The following ALK variants were observed in gnomAD, a reference collection of about 807,000 sequenced individuals.
The protein encoded by ALK is ALK tyrosine kinase receptor.
In ALK, 74 loss-of-function variants were observed where a neutral mutation model predicts 163.1. The ratio of observed to expected loss-of-function variants is 0.45; its 90% CI spans 0.38 to 0.55. The LOEUF (loss-of-function observed/expected upper bound fraction) is 0.55. Ranked by LOEUF, ALK falls within the 20% of genes least tolerant of loss-of-function variation. The pLI is 0.00. For missense variants in ALK, 2,063 were observed against 2,105.3 expected (o/e 0.98, Z 0.39); for synonymous variants, 960 against 843.2 (o/e 1.14, Z -2.40).
At chr2:29,416,979 CTTTTTTTTTTTTTTTTT>C (rs751862066) in intron 4 of ALK, among the ~76,000 whole-genome samples, 3 of 77,664 alleles carry the variant, frequency 3.9e-5, no homozygotes, top group Non-Finnish European at 7.1e-5. Context: ...ATGTTTGATG[CTTTTTTTTTTTTTTTTT>C]TTTTTTTTTG....
intron 9 of ALK, among the ~76,000 whole-genome samples, chr2:29,284,260 T>G (rs1665790561): frequency 6.6e-6 from 1 of 151,832 alleles, no homozygotes; most frequent in Non-Finnish European, 1.5e-5. Context: ...TAAAGATATT[T>G]GAGTCATCTG....
intron 3 of ALK, among the ~76,000 whole-genome samples, chr2:29,658,984 G>A (rs1337060583): frequency 6.6e-6 from 1 of 152,080 alleles, no homozygotes; most frequent in Admixed American, 6.6e-5. Flanking sequence ...AATTGGGAGA[G>A]AGCTCATTAT....
intron 1 of ALK, among the ~76,000 whole-genome samples, chr2:29,803,709 G>T (rs1367227796): frequency 1.3e-5 from 2 of 152,180 alleles, no homozygotes; most frequent in Non-Finnish European, 2.9e-5. Flanking sequence ...CATTGTCTCG[G>T]CTTGTCTACA....
intron 3 of ALK, among the ~76,000 whole-genome samples, chr2:29,638,517 G>A (rs1660842589): frequency 6.6e-6 from 1 of 151,584 alleles, no homozygotes; most frequent in African/African-American, 2.4e-5. Flanking sequence ...GATGGAGTAG[G>A]GTGGGGGTGG....
In ALK at chr2:29,246,251, GGA is replaced by G. The variant is rs759765134; in HGVS notation, c.2204+4852_2204+4853del. ...AGGGAAGAAGGAGGAAAGAAGTCAG[GGA>G]GAGAGAGGGGGCGGGCTGGGCTGAG... is the stretch of plus-strand genomic sequence containing the variant. On this transcript the variant is annotated intron_variant, in intron 12 of 28. Transcript: ENST00000389048. The surrounding 1 kb of genome is among the most constrained non-coding windows in gnomAD (Gnocchi z 4.3). Among the ~76,000 whole-genome samples, 49 of 151,898 alleles carry G rather than the reference GGA, an allele frequency of 3.2e-4. No individual in the cohort carries two copies. The highest frequency in any genetic ancestry group is 4.3e-4 in the Non-Finnish European group (29 of 67,936).
chr2:29,300,218 G>T (rs1320954599), intron 8 of ALK, among the ~76,000 whole-genome samples: 1 of 13,408 alleles, frequency 7.5e-5, no homozygotes, highest in Non-Finnish European at 4.3e-4. Flanking sequence ...AGATGCCCAA[G>T]AGTGGAGGAA....
At position 29,921,559 on chromosome 2, in the gene ALK, C is replaced by T. The variant is rs1187961997; in HGVS notation, c.-900G>A. 8.7e-6 allele frequency: 2 copies of T among 231,198 alleles called. No homozygotes were observed. The highest frequency in any genetic ancestry group is 4.4e-5 in the African/African-American group (2 of 45,224). 14.3% of individuals were successfully genotyped at this position (231,198 alleles called of 1,614,324 possible). On this transcript the variant is annotated 5_prime_UTR_variant, in exon 1 of 29. Transcript: ENST00000389048. Reference sequence around the variant, plus strand: ...GAGGTACCAGCTGCTACCACCGCTGCCGCCCCCAGAGCCGCTGGATCGCAT... The same window carrying T: ...GAGGTACCAGCTGCTACCACCGCTGTCGCCCCCAGAGCCGCTGGATCGCAT...
chr2:29,680,963 T>G (rs2541172), intron 3 of ALK: 151,499 of 152,200 alleles, frequency 1, 75,406 homozygotes, highest in Non-Finnish European at 1. Flanking sequence ...GCAGTGTGTG[T>G]AGGCTGATGT....
At chr2:29,757,891 A>G (rs533780798) in intron 1 of ALK, among the ~76,000 whole-genome samples, 12 of 152,184 alleles carry the variant, frequency 7.9e-5, no homozygotes, top group African/African-American at 2.9e-4. Flanking sequence ...CCCCTGATCT[A>G]AAGGATTTTG....
At chr2:29,835,448 A>T (rs1374098730) in intron 1 of ALK, among the ~76,000 whole-genome samples, 4 of 152,166 alleles carry the variant, frequency 2.6e-5, no homozygotes, top group Non-Finnish European at 5.9e-5. Context: ...AGAACTGAAA[A>T]TGAAGTTATG....
rs747588801 is a variant in ALK, at chr2:29,225,495, G to A, written c.3138C>T (p.Ala1046=). Residue 1046 remains alanine (A), a synonymous_variant, in exon 19 of 29, where the codon GCC becomes GCT. Transcript: ENST00000389048. ...TGCCGGAGAAAGCCAGGACCAGGGC[G>A]GCCACGAGGGCAGAGGTCACCACAG... The part of the protein sequence containing the change: ...ILSVVTSALV[A]ALVLAFSGIM... 6 of 1,613,308 alleles carry A rather than the reference G, an allele frequency of 3.7e-6. No individual in the cohort carries two copies. Among genetic ancestry groups the A allele is most frequent in the Admixed American group, 1.7e-5 (1 of 60,008 alleles).
chr2:29,306,887 G>A (rs190147308), intron 8 of ALK, among the ~76,000 whole-genome samples: 12 of 152,248 alleles, frequency 7.9e-5, no homozygotes, highest in Admixed American at 2.0e-4. Context: ...CCAGGAGTAC[G>A]CCACCAGCAA....
chr2:29,554,003 C>T (rs1008890695), intron 3 of ALK, among the ~76,000 whole-genome samples: 1 of 151,968 alleles, frequency 6.6e-6, no homozygotes, highest in Non-Finnish European at 1.5e-5. Context: ...GTGTCCTTTG[C>T]CATTTAGTTT....
intron 4 of ALK, among the ~76,000 whole-genome samples, chr2:29,386,952 A>G (rs993862875): frequency 1.3e-5 from 2 of 152,168 alleles, no homozygotes; most frequent in Non-Finnish European, 2.9e-5. Context: ...GAATGAGCCT[A>G]TTAGGGTCCT....
At chr2:29,233,983 A>C (rs553954829) in intron 13 of ALK, among the ~76,000 whole-genome samples, 1 of 151,852 alleles carries the variant, frequency 6.6e-6, no homozygotes. Context: ...TGAGCCTTGA[A>C]GGATAGGGAG....
At chr2:29,586,638 A>G (rs1392037156) in intron 3 of ALK, among the ~76,000 whole-genome samples, 1 of 152,238 alleles carries the variant, frequency 6.6e-6, no homozygotes, top group African/African-American at 2.4e-5. Flanking sequence ...AAATAGGAAC[A>G]CTTTCAACAC....
At chr2:29,514,357 G>A (rs1232052557) in intron 4 of ALK, among the ~76,000 whole-genome samples, 2 of 150,594 alleles carry the variant, frequency 1.3e-5, no homozygotes, top group Non-Finnish European at 3.0e-5. Flanking sequence ...GTAGGGACAT[G>A]GATGAAATTG....
intron 3 of ALK, among the ~76,000 whole-genome samples, chr2:29,596,394 A>C (rs1439600736): frequency 6.6e-6 from 1 of 152,182 alleles, no homozygotes; most frequent in Non-Finnish European, 1.5e-5. Flanking sequence ...TGTTGCTGCC[A>C]CCTTCACTCA....
chr2:29,488,221 C>A (rs1671824144), intron 4 of ALK, among the ~76,000 whole-genome samples: 1 of 152,152 alleles, frequency 6.6e-6, no homozygotes, highest in Admixed American at 6.5e-5. Flanking sequence ...AGTTTCACAG[C>A]CTGCTTTTCA....
Sources: gnomAD v4.1 joint callset for allele counts (sites outside exome capture counted in the v4.1 genomes callset) on GRCh38, gnomAD v4.1.1 for gene constraint, Gnocchi (gnomAD v3.1) non-coding constraint, MANE v1.5 for transcripts, NCBI Gene and HGNC (gene_info 2026-07-23, HGNC 2026-07-21) for gene names.